The following RNF11 variants were observed in gnomAD, a reference collection of about 807,000 sequenced individuals.
RNF11 encodes the protein ring finger protein 11.
A neutral mutation model predicts 15.8 loss-of-function variants in RNF11; 4 were observed. That is an observed-to-expected ratio of 0.25 (90% CI 0.12 to 0.58). RNF11 has a LOEUF of 0.58. Ranked by LOEUF, RNF11 falls within the 20% of genes least tolerant of loss-of-function variation. The probability of loss-of-function intolerance (pLI) is 0.91; values close to 1 mark genes in which losing one functional copy is unlikely to be tolerated. For synonymous variants in RNF11, 68 were observed against 72.3 expected, an observed-to-expected ratio of 0.94 and a Z score of 0.30; for missense variants, 139 against 194.4, an observed-to-expected ratio of 0.71 and a Z score of 1.70.
intron 1 of RNF11, among the ~76,000 whole-genome samples, chr1:51,247,883 G>A (rs1646859342): frequency 6.6e-6 from 1 of 152,156 alleles, no homozygotes; most frequent in Non-Finnish European, 1.5e-5. Context: ...AAATATATTT[G>A]CTTCTAAAAC....
At chr1:51,250,049 G>C (rs544700048) in intron 1 of RNF11, among the ~76,000 whole-genome samples, 2 of 152,274 alleles carry the variant, frequency 1.3e-5, no homozygotes, top group Admixed American at 1.3e-4. Context: ...AGTTTTCCAA[G>C]TGGTTGCACT....
chr1:51,259,640 T>TA (rs1412018344), intron 1 of RNF11, among the ~76,000 whole-genome samples: 2 of 152,202 alleles, frequency 1.3e-5, no homozygotes, highest in Non-Finnish European at 2.9e-5. Flanking sequence ...GACTACCTCT[T>TA]AAATATGTTT....
chr1:51,260,347 GTC>G (rs1646924904), intron 1 of RNF11, among the ~76,000 whole-genome samples: 1 of 152,114 alleles, frequency 6.6e-6, no homozygotes, highest in Admixed American at 6.5e-5. Context: ...ATGTCTGTTT[GTC>G]TCTCTTTAAT....
intron 2 of RNF11, among the ~76,000 whole-genome samples, chr1:51,270,918 T>C (rs753699738): frequency 7.9e-5 from 12 of 152,210 alleles, no homozygotes; most frequent in Admixed American, 2.6e-4. Flanking sequence ...CCATTTCTCT[T>C]TGCTCTGTTG....
chr1:51,247,472 G>T (rs1482847293), intron 1 of RNF11, among the ~76,000 whole-genome samples: 3 of 147,842 alleles, frequency 2.0e-5, no homozygotes, highest in Admixed American at 2.0e-4. Flanking sequence ...TTTTTGTAAA[G>T]ACAGTGTCTC....
intron 1 of RNF11, among the ~76,000 whole-genome samples, chr1:51,243,372 A>T (rs1258007915): frequency 2.0e-5 from 3 of 152,108 alleles, no homozygotes; most frequent in Non-Finnish European, 4.4e-5. Context: ...ATTTTATACC[A>T]TGTTGCCAGA....
At chr1:51,259,776 C>T (rs1397488514) in intron 1 of RNF11, among the ~76,000 whole-genome samples, 2 of 152,122 alleles carry the variant, frequency 1.3e-5, no homozygotes, top group Admixed American at 1.3e-4. Flanking sequence ...GAGTGTAGGT[C>T]AAAGTTTAAG....
intron 1 of RNF11, among the ~76,000 whole-genome samples, chr1:51,262,604 G>C (rs929045733): frequency 2.0e-5 from 3 of 151,800 alleles, no homozygotes; most frequent in African/African-American, 7.3e-5. Flanking sequence ...CTGGAGTGCA[G>C]CAGCACAATC....
chr1:51,250,501 A>G, intron 1 of RNF11: 1 of 523,028 alleles, frequency 1.9e-6, no homozygotes, highest in Non-Finnish European at 3.4e-6. Flanking sequence ...TTACAGTGCT[A>G]ATTTGTTTAC....
chr1:51,258,781 A>G (rs1646916444), intron 1 of RNF11, among the ~76,000 whole-genome samples: 1 of 152,144 alleles, frequency 6.6e-6, no homozygotes, highest in African/African-American at 2.4e-5. Flanking sequence ...CTGATAGGCA[A>G]TCTGTGCTCT....
intron 1 of RNF11, among the ~76,000 whole-genome samples, chr1:51,256,350 A>G (rs1225500944): frequency 6.6e-6 from 1 of 152,188 alleles, no homozygotes; most frequent in Non-Finnish European, 1.5e-5. Context: ...TCTTTCATGT[A>G]GTAATATGTA....
At chr1:51,243,698 G>A (rs564365134) in intron 1 of RNF11, among the ~76,000 whole-genome samples, 15 of 152,272 alleles carry the variant, frequency 9.9e-5, no homozygotes, top group East Asian at 5.8e-4. Flanking sequence ...CTTGGCCTCC[G>A]TAAGAGCTGG....
chr1:51,256,136 A>G (rs1646903085), intron 1 of RNF11, among the ~76,000 whole-genome samples: 1 of 152,030 alleles, frequency 6.6e-6, no homozygotes, highest in Non-Finnish European at 1.5e-5. Context: ...TTGTACATGG[A>G]TTTGCCATGT....
At chr1:51,261,814 A>G (rs1449618068) in intron 1 of RNF11, among the ~76,000 whole-genome samples, 2 of 152,008 alleles carry the variant, frequency 1.3e-5, no homozygotes, top group Non-Finnish European at 2.9e-5. Flanking sequence ...CAGCCTCCGG[A>G]GTAGCTGGGA....
At chr1:51,239,373 G>T (rs1569648848) in intron 1 of RNF11, among the ~76,000 whole-genome samples, 1 of 152,254 alleles carries the variant, frequency 6.6e-6, no homozygotes, top group East Asian at 1.9e-4. Flanking sequence ...TTTTATGGTT[G>T]CAGTTTCCTG....
Position 51,244,693 on chromosome 1 carries a change from C to T in RNF11, c.123+7814C>T, listed in dbSNP as rs946430241. Among the ~76,000 whole-genome samples, 5 of 152,270 alleles carry T rather than the reference C, an allele frequency of 3.3e-5. No individual in the cohort carries two copies. The South Asian group carries it at 8.3e-4, about 25-fold the overall frequency. On this transcript the variant is annotated intron_variant, in intron 1 of 2. Coordinates refer to ENST00000242719, the MANE Select transcript of RNF11 (RefSeq NM_014372.5). Reference sequence around the variant, plus strand: ...CCAGCCTGAATTTGGTTTTGTGTTCCATGAAGTTCAGCTTGCCTAGGTGAC... The same window carrying T: ...CCAGCCTGAATTTGGTTTTGTGTTCTATGAAGTTCAGCTTGCCTAGGTGAC...
At chr1:51,250,679 C>T in intron 1 of RNF11, 1 of 931,290 alleles carries the variant, frequency 1.1e-6, no homozygotes, top group Non-Finnish European at 1.7e-6. Flanking sequence ...CAGTGAATTC[C>T]TGATCGGGAG....
Position 51,259,725 on chromosome 1 carries a change from G to T in RNF11, c.124-10231G>T, listed in dbSNP as rs191457948. Among the ~76,000 whole-genome samples, 7 of 152,268 alleles carry T rather than the reference G, an allele frequency of 4.6e-5. No homozygotes were observed. The East Asian group carries it at 1.2e-3, about 25-fold the overall frequency. ...TTTTAAGTAACAGAAACCTTTTCCTGTTCTTTTCTAAAGCACTTCAGTGAA... is the reference window on the plus strand; with the variant it reads ...TTTTAAGTAACAGAAACCTTTTCCTTTTCTTTTCTAAAGCACTTCAGTGAA... On this transcript the variant is annotated intron_variant, in intron 1 of 2. Coordinates refer to ENST00000242719, the MANE Select transcript of RNF11 (RefSeq NM_014372.5).
chr1:51,243,821 T>A (rs999218509), intron 1 of RNF11, among the ~76,000 whole-genome samples: 4 of 152,226 alleles, frequency 2.6e-5, no homozygotes, highest in Non-Finnish European at 1.5e-5. Context: ...CATATACTTT[T>A]TCAGCTCTTC....
Sources: gnomAD v4.1 joint callset for allele counts (sites outside exome capture counted in the v4.1 genomes callset) on GRCh38, gnomAD v4.1.1 for gene constraint, MANE v1.5 for transcripts, NCBI Gene and HGNC (gene_info 2026-07-23, HGNC 2026-07-21) for gene names.